The following HMGB1 variants were observed in gnomAD, a reference collection of about 807,000 sequenced individuals.
The protein encoded by HMGB1 is high mobility group box 1, also known as high mobility group protein B1.
For missense variants in HMGB1, 79 were observed against 253.5 expected, an observed-to-expected ratio of 0.31 and a Z score of 4.67; for synonymous variants, 81 against 84.0, an observed-to-expected ratio of 0.96 and a Z score of 0.19.
At chr13:30,560,430 C>T (rs1869899128) in intron 1 of HMGB1, among the ~76,000 whole-genome samples, 1 of 152,144 alleles carries the variant, frequency 6.6e-6, no homozygotes, top group Admixed American at 6.5e-5. Context: ...AGTCATCAAG[C>T]AGGCATAAGG....
intron 1 of HMGB1, among the ~76,000 whole-genome samples, chr13:30,592,902 A>G (rs77726797): frequency 0.01 from 1,559 of 151,340 alleles, 14 homozygotes; most frequent in East Asian, 0.027. Flanking sequence ...TCCCTGGGAC[A>G]CTTCATATAG....
upstream of HMGB1, among the ~76,000 whole-genome samples, chr13:30,466,208 C>A (rs530729764): frequency 2.6e-5 from 4 of 152,318 alleles, no homozygotes; most frequent in South Asian, 8.3e-4. Context: ...CAAGCCAGCC[C>A]CACACCGGAG....
chr13:30,533,663 C>A (rs1317573525), intron 1 of HMGB1, among the ~76,000 whole-genome samples: 1 of 152,066 alleles, frequency 6.6e-6, no homozygotes, highest in South Asian at 2.1e-4. Flanking sequence ...CTGTGCCCGG[C>A]CCAAATTTTG....
At chr13:30,504,404 T>A (rs1395274101) in intron 1 of HMGB1, among the ~76,000 whole-genome samples, 1 of 152,250 alleles carries the variant, frequency 6.6e-6, no homozygotes, top group Admixed American at 6.5e-5. Context: ...GCTAAGCATA[T>A]TTTCAGTGCT....
At chr13:30,520,071 C>CA (rs1355752250) in intron 1 of HMGB1, among the ~76,000 whole-genome samples, 9 of 152,220 alleles carry the variant, frequency 5.9e-5, no homozygotes, top group Non-Finnish European at 1.2e-4. Flanking sequence ...CCCATAATCC[C>CA]AGCACTTTGG....
chr13:30,507,941 G>A (rs1388073415), intron 1 of HMGB1, among the ~76,000 whole-genome samples: 1 of 152,100 alleles, frequency 6.6e-6, no homozygotes, highest in Non-Finnish European at 1.5e-5. Flanking sequence ...AGGCTGCAGC[G>A]AGCTATGACG....
chr13:30,520,174 T>C (rs1285934841), intron 1 of HMGB1, among the ~76,000 whole-genome samples: 1 of 151,854 alleles, frequency 6.6e-6, no homozygotes, highest in African/African-American at 2.4e-5. Flanking sequence ...ATACAAAAAC[T>C]AGCTGGGCAT....
intron 1 of HMGB1, chr13:30,465,303 CCCGGCTGG>C (rs1886706030): frequency 7.2e-6 from 1 of 139,754 alleles, no homozygotes; most frequent in Non-Finnish European, 1.6e-5. Context: ...CCGCCGCCCG[CCCGGCTGG>C]CCGCGCTCCC....
chr13:30,598,180 A>G (rs1566036455), intron 1 of HMGB1, among the ~76,000 whole-genome samples: 1 of 152,254 alleles, frequency 6.6e-6, no homozygotes, highest in Non-Finnish European at 1.5e-5. Flanking sequence ...TAATAGACAC[A>G]TACCCCAAGG....
In HMGB1 at chr13:30,551,969, C is replaced by T. The variant is rs539057150; in HGVS notation, c.-15+64702G>A. On this transcript the variant is annotated intron_variant, in intron 1 of 4. Transcript: ENST00000405805. ...CTTGGCCTCCAAAGTGCTGGGATTC[C>T]AGGTGTGAGCCACTGCACCTGGCCA... Among the ~76,000 whole-genome samples, 3 of 152,224 alleles carry T rather than the reference C, an allele frequency of 2.0e-5. No homozygotes were observed. In the East Asian group the frequency reaches 5.8e-4, roughly 29 times the overall value.
intron 1 of HMGB1, among the ~76,000 whole-genome samples, chr13:30,553,518 G>A (rs1247335567): frequency 2.6e-5 from 4 of 152,204 alleles, no homozygotes; most frequent in African/African-American, 9.7e-5. Flanking sequence ...TAGGGGTATG[G>A]TAATTAGAAA....
At chr13:30,463,760 TAGTA>T (rs1248636323) in intron 1 of HMGB1, 66 bp from the exon 2 acceptor site, 4 of 1,059,410 alleles carry the variant, frequency 3.8e-6, no homozygotes, top group South Asian at 1.7e-5. Flanking sequence ...TTAAAGTACT[TAGTA>T]AGGGAATGAA....
intron 1 of HMGB1, among the ~76,000 whole-genome samples, chr13:30,581,606 T>C (rs1315850227): frequency 1.3e-5 from 2 of 152,290 alleles, no homozygotes; most frequent in African/African-American, 4.8e-5. Flanking sequence ...ATATTGTTGA[T>C]TAAGAACAGA....
intron 1 of HMGB1, among the ~76,000 whole-genome samples, chr13:30,472,322 C>T (rs1182629553): frequency 6.6e-6 from 1 of 152,126 alleles, no homozygotes; most frequent in Non-Finnish European, 1.5e-5. Flanking sequence ...CATGCAAGGC[C>T]AGGCACAGTG....
intron 1 of HMGB1, among the ~76,000 whole-genome samples, chr13:30,493,958 T>C (rs1169082396): frequency 3.3e-5 from 5 of 151,438 alleles, no homozygotes; most frequent in Non-Finnish European, 7.4e-5. Context: ...AAAAAAAAAT[T>C]GGGAAAATGG....
intron 1 of HMGB1, among the ~76,000 whole-genome samples, chr13:30,512,411 A>T (rs896832314): frequency 1.3e-5 from 2 of 152,198 alleles, no homozygotes; most frequent in African/African-American, 4.8e-5. Flanking sequence ...GTCAATGAGG[A>T]TGTCTACCCA....
chr13:30,552,625 G>A lies in HMGB1; in HGVS notation c.-15+64046C>T, dbSNP rs143581303. On this transcript the variant is annotated intron_variant, in intron 1 of 4. Coordinates refer to the HMGB1 transcript ENST00000405805. ...CATATTGTCTATTTTCTTTTCTGTC[G>A]TATCTGAGACTCAGCTAGACCCATT... Among the ~76,000 whole-genome samples, 178 of 152,088 alleles carry A rather than the reference G, an allele frequency of 1.2e-3. 2 individuals are homozygous for A. Among genetic ancestry groups the A allele is most frequent in the East Asian group, 6.8e-3 (35 of 5,172 alleles).
chr13:30,604,545 A>C (rs1250072687), intron 1 of HMGB1, among the ~76,000 whole-genome samples: 1 of 152,200 alleles, frequency 6.6e-6, no homozygotes, highest in Non-Finnish European at 1.5e-5. Context: ...TTGCTGGCCC[A>C]AAACGTTGAT....
intron 1 of HMGB1, chr13:30,465,242 C>T: frequency 3.8e-6 from 1 of 262,668 alleles, no homozygotes; most frequent in Non-Finnish European, 5.7e-6. Context: ...GCCCGCACTG[C>T]CGCCCCCAGG....
Sources: gnomAD v4.1 joint callset for allele counts (sites outside exome capture counted in the v4.1 genomes callset) on GRCh38, gnomAD v4.1.1 for gene constraint, MANE v1.5 for transcripts, NCBI Gene and HGNC (gene_info 2026-07-23, HGNC 2026-07-21) for gene names.